INTS7: variants seen among roughly 807,000 people sequenced by gnomAD.
INTS7 encodes chromosome 1 open reading frame 73.
In INTS7, 46 loss-of-function variants were observed where a neutral mutation model predicts 109.2. The observed-to-expected ratio is 0.42, with a 90% CI of 0.33 to 0.54. INTS7 has a LOEUF of 0.54. Ranked by LOEUF, INTS7 falls within the 20% of genes least tolerant of loss-of-function variation. The pLI, the probability that INTS7 is intolerant of heterozygous loss-of-function variation, is 0.07. For synonymous variants in INTS7, 412 were observed against 402.9 expected, an observed-to-expected ratio of 1.02 and a Z score of -0.27; for missense variants, 929 against 1,132.4, an observed-to-expected ratio of 0.82 and a Z score of 2.58.
At chr1:212,013,568 T>C (rs982048823) in intron 4 of INTS7, among the ~76,000 whole-genome samples, 3 of 152,232 alleles carry the variant, frequency 2.0e-5, no homozygotes, top group African/African-American at 7.2e-5. Flanking sequence ...TACAGTAATA[T>C]ACAGTAATGT....
intron 8 of INTS7, among the ~76,000 whole-genome samples, chr1:211,987,303 A>AAAC (rs1299735614): frequency 6.6e-6 from 1 of 152,040 alleles, no homozygotes; most frequent in East Asian, 1.9e-4. Flanking sequence ...TCTTAAAACA[A>AAAC]AACAACAACA....
rs1275212987 is a variant in INTS7, at chr1:211,946,632, T to C, written c.2390A>G (p.Gln797Arg). 1.2e-6 allele frequency: 2 copies of C among 1,611,572 alleles called. No homozygotes were observed. The highest frequency in any genetic ancestry group is 2.2e-5 in the East Asian group (1 of 44,850). The change falls in exon 18 of 20, where the codon CAG becomes CGG. Residue 797 changes from glutamine to arginine, a missense_variant. Coordinates refer to ENST00000366994, the MANE Select transcript of INTS7 (RefSeq NM_015434.4). The surrounding 1 kb of genome is among the most constrained non-coding windows in gnomAD (Gnocchi z 4.3). ...VPLSFQRYFFQKLQSTSIKLA... is the reference protein window; with the variant it reads ...VPLSFQRYFFRKLQSTSIKLA... The stretch of plus-strand genomic sequence containing the variant: ...CTTGATGCTGGTAGACTGTAGTTTC[T>C]GGAAAAAATATCTCTGGAAAGAAAG...
chr1:211,968,060 A>G, intron 14 of INTS7, 79 bp from the exon 15 acceptor site: 1 of 705,488 alleles, frequency 1.4e-6, no homozygotes, highest in Non-Finnish European at 2.3e-6. Flanking sequence ...AACAAAAAAA[A>G]GCACCTTCAA....
intron 1 of INTS7, among the ~76,000 whole-genome samples, chr1:212,033,231 A>G (rs1223254458): frequency 1.3e-5 from 2 of 152,232 alleles, no homozygotes; most frequent in East Asian, 1.9e-4. Context: ...TCTGACCTTT[A>G]GCTCACAAAA....
At chr1:211,955,355 TTCC>T (rs1419929008) in intron 16 of INTS7, among the ~76,000 whole-genome samples, 1 of 152,208 alleles carries the variant, frequency 6.6e-6, no homozygotes, top group African/African-American at 2.4e-5. Context: ...ACAATCTGAC[TTCC>T]TCTTTTCCTC....
rs904772892 is a variant in INTS7, at chr1:212,011,633, T to C, written c.510-212A>G. 2.3e-5 allele frequency: 12 copies of C among 515,328 alleles called. No homozygotes were observed. The Admixed American group carries it at 4.1e-4, about 18-fold the overall frequency. 31.9% of individuals were successfully genotyped at this position (515,328 alleles called of 1,614,324 possible). A position where few individuals can be genotyped will look rare whatever the true frequency, so the allele number is the denominator to read the frequency against. ...ACCAAATGGGCTATGCCAACACTGC[T>C]CTAAAGCAGCTCACTTAGGCCATTA... On this transcript the variant is annotated intron_variant, in intron 4 of 19. Transcript: ENST00000366994.
chr1:211,999,674 T>C (rs888730182), intron 7 of INTS7, among the ~76,000 whole-genome samples: 1 of 152,164 alleles, frequency 6.6e-6, no homozygotes, highest in Non-Finnish European at 1.5e-5. Flanking sequence ...ATTTACAAAA[T>C]GCGGTCAATC....
chr1:211,961,767 T>G (rs2102401978), intron 16 of INTS7, among the ~76,000 whole-genome samples: 1 of 152,218 alleles, frequency 6.6e-6, no homozygotes, highest in Middle Eastern at 3.4e-3. Context: ...ACCAAGAAAT[T>G]CATATCCGGC....
chr1:211,967,090 A>G (rs149407991), intron 15 of INTS7, among the ~76,000 whole-genome samples: 133 of 152,318 alleles, frequency 8.7e-4, no homozygotes, highest in Middle Eastern at 3.4e-3. Flanking sequence ...CAACTTAAAA[A>G]AAGAATTTCT....
chr1:212,028,146 T>A (rs981432903), intron 1 of INTS7, among the ~76,000 whole-genome samples: 4 of 152,186 alleles, frequency 2.6e-5, no homozygotes, highest in Non-Finnish European at 4.4e-5. Flanking sequence ...ATTCTCAAGT[T>A]AACTTCTGCC....
chr1:211,999,992 C>G (rs1188117574), intron 7 of INTS7, among the ~76,000 whole-genome samples: 1 of 152,068 alleles, frequency 6.6e-6, no homozygotes, highest in Non-Finnish European at 1.5e-5. Context: ...GTAATCCCAG[C>G]TACTTGAGAG....
chr1:212,025,565 C>T (rs1666880304), intron 1 of INTS7: 1 of 164,246 alleles, frequency 6.1e-6, no homozygotes, highest in African/African-American at 2.4e-5. Context: ...TTTCTTATGC[C>T]CTTTTAAGGT....
chr1:211,952,758 TA>T, intron 16 of INTS7, 57 bp from the exon 17 acceptor site: 1 of 1,357,092 alleles, frequency 7.4e-7, no homozygotes, highest in Non-Finnish European at 1.0e-6. Context: ...ATTTAATGCC[TA>T]CATGTATCAG....
At chr1:212,032,640 C>T (rs1312180639) in intron 1 of INTS7, among the ~76,000 whole-genome samples, 1 of 152,058 alleles carries the variant, frequency 6.6e-6, no homozygotes, top group Non-Finnish European at 1.5e-5. Flanking sequence ...CCACGCCTGG[C>T]TAATTTTTTG....
Position 211,959,186 on chromosome 1 carries a change from G to C in INTS7, c.2184-6485C>G, listed in dbSNP as rs1663500176. On this transcript the variant is annotated intron_variant, in intron 16 of 19. Transcript: ENST00000366994. This position sits in a 1 kb window ranked among gnomAD's most constrained non-coding sequence, Gnocchi z 4.2. ...AGAGCCCAAAGGGTTTGGTGTGTGA[G>C]CATCTGTAGTGGAATACGGCCAGGG... Among the ~76,000 whole-genome samples the C allele has an allele frequency of 6.6e-6, 1 of 152,204 alleles. No individual in the cohort carries two copies. Among genetic ancestry groups the C allele is most frequent in the South Asian group, 2.1e-4 (1 of 4,836 alleles).
intron 5 of INTS7, 22 bp from the exon 6 acceptor site, chr1:212,007,471 A>C (rs778581509): frequency 1.6e-4 from 257 of 1,570,026 alleles, no homozygotes; most frequent in Non-Finnish European, 2.0e-4. Context: ...AATAATTCTC[A>C]AGGTATTTGT....
chr1:211,989,821 CAAA>C (rs199523866), intron 7 of INTS7, among the ~76,000 whole-genome samples: 3 of 68,118 alleles, frequency 4.4e-5, no homozygotes, highest in Non-Finnish European at 3.2e-5. Context: ...GACTCCGTTT[CAAA>C]AAAAAAAAAA....
intron 17 of INTS7, among the ~76,000 whole-genome samples, chr1:211,950,468 C>T (rs542640008): frequency 3.3e-5 from 5 of 152,034 alleles, no homozygotes; most frequent in Non-Finnish European, 7.4e-5. Context: ...GATGGGGTTT[C>T]ACCATGTTGG....
Position 211,944,694 on chromosome 1 carries a change from A to C in INTS7, c.2601+90T>G. 3 of 1,050,822 alleles carry C rather than the reference A, an allele frequency of 2.9e-6. No homozygotes were observed. In the Admixed American group the frequency reaches 5.4e-5, roughly 19 times the overall value. The allele number at this position is 1,050,822 out of a possible 1,614,324, so 65.1% of individuals were successfully genotyped here. On this transcript the variant is annotated intron_variant, in intron 19 of 19. Coordinates refer to ENST00000366994, the MANE Select transcript of INTS7 (RefSeq NM_015434.4). ...CTGATCCCTTTGGAGGTATAACTGC[A>C]ATCTATTTAACCATGAAAAACACTG...
Sources: allele counts gnomAD v4.1 joint callset (sites outside exome capture counted in the v4.1 genomes callset), GRCh38; gene constraint gnomAD v4.1.1; non-coding constraint Gnocchi (gnomAD v3.1); transcripts MANE v1.5; gene names NCBI Gene and HGNC (gene_info 2026-07-23, HGNC 2026-07-21).